The following PHLDB2 variants were observed in gnomAD, a reference collection of about 807,000 sequenced individuals.
The protein encoded by PHLDB2 is pleckstrin homology like domain family B member 2, also known as pleckstrin homology-like domain family B member 2.
Under a neutral mutation model 123.6 loss-of-function variants are expected in PHLDB2, and 71 were observed. The observed-to-expected ratio is 0.57, with a 90% confidence interval of 0.47 to 0.70. The LOEUF (loss-of-function observed/expected upper bound fraction) is 0.70, where lower values mean the gene tolerates loss of function less well. Among genes scored for constraint, PHLDB2 ranks in the 30% least tolerant of loss-of-function variants. The probability of loss-of-function intolerance (pLI) is 0.00; values close to 1 mark genes in which losing one functional copy is unlikely to be tolerated. For synonymous variants in PHLDB2, 547 were observed against 541.6 expected, an observed-to-expected ratio of 1.01 and a Z score of -0.14; for missense variants, 1,446 against 1,519.5, an observed-to-expected ratio of 0.95 and a Z score of 0.80.
At chr3:111,879,972 C>T (rs1204356213) in intron 1 of PHLDB2, among the ~76,000 whole-genome samples, 2 of 141,680 alleles carry the variant, frequency 1.4e-5, no homozygotes, top group Non-Finnish European at 3.0e-5. Flanking sequence ...TCTTGAAACC[C>T]TTTACCCACT....
At chr3:111,864,783 A>G (rs1250320195) in intron 1 of PHLDB2, among the ~76,000 whole-genome samples, 1 of 152,238 alleles carries the variant, frequency 6.6e-6, no homozygotes, top group Non-Finnish European at 1.5e-5. Context: ...GCTTTTCCTT[A>G]CTTTACAAAG....
intron 1 of PHLDB2, among the ~76,000 whole-genome samples, chr3:111,814,396 T>C (rs1490226629): frequency 1.3e-5 from 2 of 152,194 alleles, no homozygotes; most frequent in Non-Finnish European, 2.9e-5. Context: ...TTCTTCAGTT[T>C]TGGGACTCGG....
chr3:111,876,817 C>T (rs142111760), intron 1 of PHLDB2, among the ~76,000 whole-genome samples: 2,949 of 152,068 alleles, frequency 0.019, 101 homozygotes, highest in African/African-American at 0.066. Flanking sequence ...GAGAACATGC[C>T]GTGTTTGGTT....
intron 1 of PHLDB2, among the ~76,000 whole-genome samples, chr3:111,786,748 A>AG (rs1477400135): frequency 1.3e-5 from 2 of 152,116 alleles, no homozygotes; most frequent in Non-Finnish European, 2.9e-5. Flanking sequence ...CTAAAATGAG[A>AG]GAGTTGAACT....
Position 111,834,160 on chromosome 3 carries a change from A to ATATATGTAATAGAATTATATATATAT in PHLDB2, c.-48-11637_-48-11636insATTATATGTAATAGAATTATATATAT, listed in dbSNP as rs1559858058. Among the ~76,000 whole-genome samples the ATATATGTAATAGAATTATATATATAT allele has an allele frequency of 2.2e-3, 59 of 26,434 alleles. 7 individuals are homozygous for ATATATGTAATAGAATTATATATATAT. Among genetic ancestry groups the ATATATGTAATAGAATTATATATATAT allele is most frequent in the Non-Finnish European group, 4.7e-3 (50 of 10,574 alleles). The allele number at this position is 26,434 out of a possible 152,430, so 17.3% of individuals were successfully genotyped here. A position where few individuals can be genotyped will look rare whatever the true frequency, so the allele number is the denominator to read the frequency against. On this transcript the variant is annotated intron_variant, in intron 1 of 17. Coordinates refer to the PHLDB2 transcript ENST00000393923. ...TATATGTAATAGAATTATATATATT[A>ATATATGTAATAGAATTATATATATAT]TATATGTAATAGAATTATATATATT... is the stretch of plus-strand genomic sequence containing the variant.
intron 1 of PHLDB2, among the ~76,000 whole-genome samples, chr3:111,819,088 C>T (rs753531896): frequency 6.6e-6 from 1 of 152,194 alleles, no homozygotes; most frequent in Non-Finnish European, 1.5e-5. Context: ...TGCCTTCTCA[C>T]TGTGTTCTCA....
intron 2 of PHLDB2, among the ~76,000 whole-genome samples, chr3:111,901,880 C>T (rs1055086211): frequency 4.6e-5 from 7 of 152,088 alleles, no homozygotes; most frequent in East Asian, 1.9e-4. Flanking sequence ...TATGATGATA[C>T]GGATCACATG....
chr3:111,742,549 G>C (rs13071304), intron 1 of PHLDB2, among the ~76,000 whole-genome samples: 8,799 of 152,122 alleles, frequency 0.058, 293 homozygotes, highest in Middle Eastern at 0.078. Flanking sequence ...CTATGAGTGA[G>C]AAAATGCGGT....
chr3:111,750,715 G>A (rs1576505200), intron 1 of PHLDB2, among the ~76,000 whole-genome samples: 2 of 152,214 alleles, frequency 1.3e-5, no homozygotes, highest in African/African-American at 2.4e-5. Flanking sequence ...GGAGGTCAAG[G>A]CGGGCAGATC....
At chr3:111,799,930 T>C (rs936407715) in intron 1 of PHLDB2, among the ~76,000 whole-genome samples, 17 of 152,104 alleles carry the variant, frequency 1.1e-4, no homozygotes, top group Non-Finnish European at 5.9e-5. Flanking sequence ...TATATAGAAA[T>C]ATAAATAGAA....
chr3:111,830,850 T>G lies in PHLDB2; in HGVS notation c.-48-14971T>G, dbSNP rs558181213. Among the ~76,000 whole-genome samples, 22 of 140,442 alleles carry G rather than the reference T, an allele frequency of 1.6e-4. No homozygotes were observed. The South Asian group carries it at 4.2e-3, about 27-fold the overall frequency. The allele number at this position is 140,442 out of a possible 152,430, so 92.1% of individuals were successfully genotyped here. A position where few individuals can be genotyped will look rare whatever the true frequency, so the allele number is the denominator to read the frequency against. On this transcript the variant is annotated intron_variant, in intron 1 of 17. Coordinates refer to the PHLDB2 transcript ENST00000393923. ...AAAAAAAAGGCAGCACATCCCAGAGTCTAAGCATATCATTGTCAGCATGAG... is the reference window on the plus strand; with the variant it reads ...AAAAAAAAGGCAGCACATCCCAGAGGCTAAGCATATCATTGTCAGCATGAG...
chr3:111,776,749 A>C (rs902537192), intron 1 of PHLDB2, among the ~76,000 whole-genome samples: 3 of 152,100 alleles, frequency 2.0e-5, no homozygotes, highest in Non-Finnish European at 4.4e-5. Flanking sequence ...CAGGTAATTC[A>C]ATAACGTGTA....
At chr3:111,736,482 AG>A (rs1338900907) in intron 1 of PHLDB2, among the ~76,000 whole-genome samples, 6 of 152,228 alleles carry the variant, frequency 3.9e-5, no homozygotes, top group Non-Finnish European at 8.8e-5. Context: ...GACTCAATAC[AG>A]GTGAATGGCC....
At chr3:111,792,901 G>T (rs1411931707) in intron 1 of PHLDB2, among the ~76,000 whole-genome samples, 2 of 152,158 alleles carry the variant, frequency 1.3e-5, no homozygotes, top group Admixed American at 6.5e-5. Flanking sequence ...GGAAGGATGT[G>T]AATATTTGAA....
intron 6 of PHLDB2, among the ~76,000 whole-genome samples, chr3:111,938,197 A>G (rs2069621141): frequency 6.6e-6 from 1 of 152,192 alleles, no homozygotes; most frequent in South Asian, 2.1e-4. Context: ...TTTAAAAAAA[A>G]GACTTTATTT....
chr3:111,823,920 C>T (rs79906569), intron 1 of PHLDB2, among the ~76,000 whole-genome samples: 3,362 of 152,224 alleles, frequency 0.022, 50 homozygotes, highest in Non-Finnish European at 0.032. Context: ...ATCCACTAGT[C>T]GTATCTGTCT....
intron 2 of PHLDB2, among the ~76,000 whole-genome samples, chr3:111,892,252 C>G (rs773061590): frequency 2.0e-4 from 31 of 152,018 alleles, no homozygotes; most frequent in Non-Finnish European, 4.3e-4. Context: ...GGTAGTTATG[C>G]GAATAGGTGA....
intron 5 of PHLDB2, among the ~76,000 whole-genome samples, chr3:111,929,516 A>G (rs1185141358): frequency 6.6e-6 from 1 of 152,252 alleles, no homozygotes; most frequent in Non-Finnish European, 1.5e-5. Flanking sequence ...TGAAACTTTC[A>G]GCTCTAATTA....
Position 111,884,887 on chromosome 3 carries a change from C to T in PHLDB2, c.810C>T (p.Leu270=), listed in dbSNP as rs747606918. The stretch of plus-strand genomic sequence containing the variant: ...CCACAGAGAACCAGCTGACACCTCT[C>T]AGCTTGCCTCCAAGAAACTCTCTGG... ...YRATENQLTP[L]SLPPRNSLGN... Residue 270 remains leucine (L), a synonymous_variant, in exon 2 of 18, where the codon CTC becomes CTT. Coordinates refer to ENST00000431670, the MANE Select transcript of PHLDB2 (RefSeq NM_001134438.2). 1.2e-6 allele frequency: 2 copies of T among 1,614,170 alleles called. No individual in the cohort carries two copies. Among genetic ancestry groups the T allele is most frequent in the South Asian group, 2.2e-5 (2 of 91,074 alleles).
Sources: allele counts gnomAD v4.1 joint callset (sites outside exome capture counted in the v4.1 genomes callset), GRCh38; gene constraint gnomAD v4.1.1; transcripts MANE v1.5; gene names NCBI Gene and HGNC (gene_info 2026-07-23, HGNC 2026-07-21).